The following STRIP2 variants were observed in gnomAD, a reference collection of about 807,000 sequenced individuals.
STRIP2 encodes striatin-interacting protein 2.
In STRIP2, 84 loss-of-function variants were observed where a neutral mutation model predicts 107.1. That is an observed-to-expected ratio of 0.78 (90% CI 0.66 to 0.94). The LOEUF (loss-of-function observed/expected upper bound fraction) is 0.94, where lower values mean the gene tolerates loss of function less well. Among genes scored for constraint, STRIP2 ranks in the 40% least tolerant of loss-of-function variants. The pLI is 0.00. For missense variants in STRIP2, 888 were observed against 1,034.2 expected, an observed-to-expected ratio of 0.86 and a Z score of 1.94; for synonymous variants, 394 against 400.4, an observed-to-expected ratio of 0.98 and a Z score of 0.19.
Position 129,480,778 on chromosome 7 carries a change from A to G in STRIP2, c.1945-7A>G. 6.2e-7 allele frequency: 1 copy of G among 1,609,160 alleles called. No individual in the cohort carries two copies. The highest frequency in any genetic ancestry group is 1.1e-5 in the South Asian group (1 of 90,536). On this transcript the variant is annotated splice_region_variant and splice_polypyrimidine_tract_variant and intron_variant, in intron 18 of 20. Coordinates refer to ENST00000249344, the MANE Select transcript of STRIP2 (RefSeq NM_020704.3). ...ATTAAGATAATGATGGATGTTCCCT[A>G]CTATAGGAAGCTGGAGACAACAGCC...
chr7:129,458,753 A>C lies in STRIP2; in HGVS notation c.1316A>C (p.Lys439Thr). 6.2e-6 allele frequency: 10 copies of C among 1,614,182 alleles called. No individual in the cohort carries two copies. Among genetic ancestry groups the C allele is most frequent in the Non-Finnish European group, 8.5e-6 (10 of 1,180,036 alleles). ...CACTTCTTGGAGATGAGCAGGAACA[A>C]GTTCATCGGATTCACCCTGGGGCAG... ...IEHFLEMSRN[K>T]FIGFTLGQDT... The change falls in exon 11 of 21, where the codon AAG becomes ACG. Residue 439 changes from lysine (K) to threonine (T), a missense_variant. Lys to Thr is a moderately conservative substitution (Grantham distance 78). Transcript: ENST00000249344. This position sits in a 1 kb window ranked among gnomAD's most constrained non-coding sequence, Gnocchi z 4.6.
chr7:129,458,535 C>A lies in STRIP2; in HGVS notation c.1274+85C>A. The A allele has an allele frequency of 1.5e-6, 2 of 1,315,114 alleles. No homozygotes were observed. Among genetic ancestry groups the A allele is most frequent in the Non-Finnish European group, 2.1e-6 (2 of 960,186 alleles). 81.5% of individuals were successfully genotyped at this position (1,315,114 alleles called of 1,614,324 possible). ...GATGGGGTAGTCTATGTATTCAAGG[C>A]TCGTTAAGTTGGTCTGGCAGTCAGA... On this transcript the variant is annotated intron_variant, in intron 10 of 20. Transcript: ENST00000249344. This position sits in a 1 kb window ranked among gnomAD's most constrained non-coding sequence, Gnocchi z 4.6.
rs1439097801 is a variant in STRIP2, at chr7:129,454,509, A to ACCTTCC, written c.689_694dup (p.Phe231_Arg232insProPhe). On this transcript the variant is annotated inframe_insertion, in exon 7 of 21. Transcript: ENST00000249344. Reference sequence around the variant, plus strand: ...CTGTGGGTGGAGAACAGCCCGGGAGACCTTCCGCACTGAATTAAGTAAGAA... The same window carrying ACCTTCC: ...CTGTGGGTGGAGAACAGCCCGGGAGACCTTCCCCTTCCGCACTGAATTAAGTAAGAA... The ACCTTCC allele has an allele frequency of 6.2e-7, 1 of 1,612,768 alleles. No homozygotes were observed. The highest frequency in any genetic ancestry group is 1.3e-5 in the African/African-American group (1 of 74,870).
chr7:129,475,568 CTTTTTATTTT>C (rs1798899802), intron 18 of STRIP2, among the ~76,000 whole-genome samples: 3 of 99,298 alleles, frequency 3.0e-5, no homozygotes, highest in Non-Finnish European at 6.0e-5. Context: ...TTTTTTTTTT[CTTTTTATTTT>C]TTTTTATTGA....
intron 1 of STRIP2, among the ~76,000 whole-genome samples, chr7:129,438,251 A>G (rs1478800939): frequency 6.6e-6 from 1 of 152,254 alleles, no homozygotes; most frequent in East Asian, 1.9e-4. Context: ...TATAGAAAAA[A>G]GTGTAAGTCT....
intron 14 of STRIP2, 80 bp from the exon 15 acceptor site, chr7:129,463,964 G>T: frequency 9.4e-7 from 1 of 1,066,674 alleles, no homozygotes; most frequent in East Asian, 2.4e-5. Context: ...ACTTTTTATA[G>T]GGCGGTTAGG....
chr7:129,449,306 C>T (rs191783865), intron 3 of STRIP2, among the ~76,000 whole-genome samples: 9 of 152,262 alleles, frequency 5.9e-5, no homozygotes, highest in Admixed American at 2.6e-4. Flanking sequence ...GAGTGTAGCA[C>T]ACCTCCTCAT....
chr7:129,447,065 AAAGGCACC>A (rs1300232947), intron 3 of STRIP2, among the ~76,000 whole-genome samples: 5 of 152,202 alleles, frequency 3.3e-5, no homozygotes, highest in Non-Finnish European at 7.3e-5. Context: ...GGAGCCTGCC[AAAGGCACC>A]AAACAGCATC....
At position 129,440,078 on chromosome 7, in the gene STRIP2, A is replaced by G. The variant is rs764691340; in HGVS notation, c.186A>G (p.Ala62=). The G allele has an allele frequency of 1.9e-6, 3 of 1,614,130 alleles. No individual in the cohort carries two copies. The highest frequency in any genetic ancestry group is 2.5e-6 in the Non-Finnish European group (3 of 1,179,986). ...AGTATGGAGATGCAGATGGGCATGCAGCCGAGTTGTCAGGTATGAGGTAGA... is the reference window on the plus strand; with the variant it reads ...AGTATGGAGATGCAGATGGGCATGCGGCCGAGTTGTCAGGTATGAGGTAGA... ...EFEYGDADGH[A]AELSELYSYT... The change falls in exon 2 of 21, where the codon GCA becomes GCG. Residue 62 remains alanine, a synonymous_variant. Coordinates refer to ENST00000249344, the MANE Select transcript of STRIP2 (RefSeq NM_020704.3).
chr7:129,482,614 G>A (rs943267742), intron 19 of STRIP2, among the ~76,000 whole-genome samples: 3 of 151,848 alleles, frequency 2.0e-5, no homozygotes, highest in South Asian at 2.1e-4. Context: ...CTGACCTTAC[G>A]TGATCCACTG....
chr7:129,473,898 T>A (rs1798853402), intron 18 of STRIP2, among the ~76,000 whole-genome samples: 1 of 151,560 alleles, frequency 6.6e-6, no homozygotes. Flanking sequence ...TTTGTATTTT[T>A]AGTAGAGACA....
chr7:129,475,683 C>T (rs1213401717), intron 18 of STRIP2, among the ~76,000 whole-genome samples: 1 of 148,718 alleles, frequency 6.7e-6, no homozygotes, highest in Non-Finnish European at 1.5e-5. Context: ...ACAAAGGTCT[C>T]TGGTTTTCCT....
At chr7:129,465,572 C>G (rs570085051) in intron 16 of STRIP2, among the ~76,000 whole-genome samples, 1 of 152,180 alleles carries the variant, frequency 6.6e-6, no homozygotes, top group Non-Finnish European at 1.5e-5. Context: ...CTGTGCCCAG[C>G]ACCCTGTTAA....
At chr7:129,451,095 C>T (rs1798178071) in intron 3 of STRIP2, among the ~76,000 whole-genome samples, 1 of 151,590 alleles carries the variant, frequency 6.6e-6, no homozygotes, top group African/African-American at 2.4e-5. Context: ...CGCCACTACG[C>T]CCGGCTAATT....
intron 20 of STRIP2, 127 bp from the exon 21 acceptor site, chr7:129,485,452 T>TTA (rs1799221089): frequency 3.2e-4 from 296 of 916,566 alleles, no homozygotes; most frequent in Non-Finnish European, 4.1e-4. Flanking sequence ...ACATTGCTCT[T>TTA]TACAAAAAAA....
intron 20 of STRIP2, among the ~76,000 whole-genome samples, chr7:129,485,082 A>T (rs886570629): frequency 7.9e-5 from 12 of 152,140 alleles, no homozygotes; most frequent in Non-Finnish European, 1.8e-4. Flanking sequence ...GTCCATTCTG[A>T]TTCTCCATGT....
At chr7:129,455,821 G>C (rs1245755224) in intron 8 of STRIP2, among the ~76,000 whole-genome samples, 1 of 152,036 alleles carries the variant, frequency 6.6e-6, no homozygotes, top group African/African-American at 2.4e-5. Context: ...TTTTCTTACA[G>C]ACAGGCCTCC....
chr7:129,480,948 C>G, intron 19 of STRIP2, 59 bp downstream of exon 19: 1 of 1,337,142 alleles, frequency 7.5e-7, no homozygotes, highest in East Asian at 2.3e-5. Flanking sequence ...TAAAAGATCA[C>G]TAGTAAATAT....
At chr7:129,468,722 AT>A (rs1798727748) in intron 17 of STRIP2, among the ~76,000 whole-genome samples, 1 of 152,180 alleles carries the variant, frequency 6.6e-6, no homozygotes, top group South Asian at 2.1e-4. Context: ...ACCTCTGTGT[AT>A]CAGTCAACAC....
Sources: allele counts gnomAD v4.1 joint callset (sites outside exome capture counted in the v4.1 genomes callset), GRCh38; gene constraint gnomAD v4.1.1; non-coding constraint Gnocchi (gnomAD v3.1); transcripts MANE v1.5; gene names NCBI Gene and HGNC (gene_info 2026-07-23, HGNC 2026-07-21).